The following ADAMTS18 variants were observed in gnomAD, a reference collection of about 807,000 sequenced individuals.
The protein encoded by ADAMTS18 is ADAM metallopeptidase with thrombospondin type 1 motif 18.
In ADAMTS18, 157 loss-of-function variants were observed where a neutral mutation model predicts 165.9. The ratio of observed to expected loss-of-function variants is 0.95; its 90% CI spans 0.83 to 1.08. The LOEUF is 1.08. Ranked by LOEUF, ADAMTS18 falls within the 50% of genes least tolerant of loss-of-function variation. ADAMTS18 has a pLI of 0.00. For synonymous variants in ADAMTS18, 782 were observed against 578.2 expected (o/e 1.35, Z -5.06); for missense variants, 2,040 against 1,534.0 (o/e 1.33, Z -5.51).
intron 3 of ADAMTS18, among the ~76,000 whole-genome samples, chr16:77,430,868 AAAGTG>A (rs1384548925): frequency 3.9e-5 from 6 of 152,222 alleles, no homozygotes; most frequent in Non-Finnish European, 8.8e-5. Context: ...TCCCTTCAGC[AAAGTG>A]AAGGTTGATC....
intron 16 of ADAMTS18, among the ~76,000 whole-genome samples, chr16:77,301,342 T>C (rs2055579098): frequency 6.6e-6 from 1 of 151,958 alleles, no homozygotes; most frequent in African/African-American, 2.4e-5. Flanking sequence ...GGGACTGAGC[T>C]TAAGTAAAGC....
chr16:77,387,125 C>G (rs1022219463), intron 3 of ADAMTS18, among the ~76,000 whole-genome samples: 1 of 152,122 alleles, frequency 6.6e-6, no homozygotes, highest in South Asian at 2.1e-4. Flanking sequence ...GCGGTTAACT[C>G]GCTACATGTA....
At chr16:77,314,695 G>A (rs529336468) in intron 16 of ADAMTS18, among the ~76,000 whole-genome samples, 36 of 125,618 alleles carry the variant, frequency 2.9e-4, no homozygotes, top group South Asian at 7.7e-4. Context: ...TAGATAGTGC[G>A]GGCCTAAGGC....
intron 9 of ADAMTS18, among the ~76,000 whole-genome samples, chr16:77,355,710 T>C (rs1567508216): frequency 1.3e-5 from 2 of 152,306 alleles, no homozygotes; most frequent in South Asian, 2.1e-4. Flanking sequence ...ATAGTATCGC[T>C]GTGAGGATTG....
In ADAMTS18 at chr16:77,300,413, T is replaced by C. The variant is rs2055560801; in HGVS notation, c.2533-9A>G. 6.2e-7 allele frequency: 1 copy of C among 1,613,996 alleles called. No homozygotes were observed. The highest frequency in any genetic ancestry group is 1.3e-5 in the African/African-American group (1 of 75,018). On this transcript the variant is annotated splice_polypyrimidine_tract_variant and intron_variant, in intron 16 of 22. Coordinates refer to ENST00000282849, the MANE Select transcript of ADAMTS18 (RefSeq NM_199355.4). Reference sequence around the variant, plus strand: ...TTGCCTTGCATCAGAATCTGGACAGTGTAAGATAAAAATCAGAGATCAAGA... The same window carrying C: ...TTGCCTTGCATCAGAATCTGGACAGCGTAAGATAAAAATCAGAGATCAAGA...
intron 11 of ADAMTS18, among the ~76,000 whole-genome samples, chr16:77,338,898 G>A (rs1361269778): frequency 2.0e-5 from 3 of 150,036 alleles, no homozygotes; most frequent in African/African-American, 4.9e-5. Flanking sequence ...AGCCTGCAGT[G>A]AGCCAAGATC....
chr16:77,422,882 C>T (rs1469666833), intron 3 of ADAMTS18, among the ~76,000 whole-genome samples: 1 of 152,182 alleles, frequency 6.6e-6, no homozygotes, highest in East Asian at 1.9e-4. Flanking sequence ...GACAGTCACA[C>T]TTACATGGTG....
intron 3 of ADAMTS18, among the ~76,000 whole-genome samples, chr16:77,400,970 A>T (rs2057324055): frequency 6.6e-6 from 1 of 152,054 alleles, no homozygotes; most frequent in East Asian, 1.9e-4. Flanking sequence ...GAAAGAAACC[A>T]AATTGCCAGG....
intron 3 of ADAMTS18, among the ~76,000 whole-genome samples, chr16:77,391,474 A>G (rs1383576519): frequency 1.3e-5 from 2 of 150,236 alleles, no homozygotes; most frequent in Non-Finnish European, 3.0e-5. Context: ...CCTGGGCAAC[A>G]GCGCAAGACT....
chr16:77,313,833 A>T (rs1236848656), intron 16 of ADAMTS18, among the ~76,000 whole-genome samples: 2 of 152,220 alleles, frequency 1.3e-5, no homozygotes, highest in Non-Finnish European at 2.9e-5. Context: ...CCTCAAAAGA[A>T]AAAGAAGTCT....
At chr16:77,421,868 C>G (rs1462298466) in intron 3 of ADAMTS18, among the ~76,000 whole-genome samples, 1 of 152,026 alleles carries the variant, frequency 6.6e-6, no homozygotes, top group Non-Finnish European at 1.5e-5. Flanking sequence ...AAACATTAAT[C>G]AGAAGAAAAT....
chr16:77,384,303 C>T (rs1488181345), intron 3 of ADAMTS18, among the ~76,000 whole-genome samples: 2 of 152,196 alleles, frequency 1.3e-5, no homozygotes, highest in Non-Finnish European at 2.9e-5. Context: ...TTCTGATTTA[C>T]ACAGCCCCCT....
At chr16:77,365,746 G>C (rs2056784156) in intron 4 of ADAMTS18, among the ~76,000 whole-genome samples, 1 of 152,174 alleles carries the variant, frequency 6.6e-6, no homozygotes, top group African/African-American at 2.4e-5. Flanking sequence ...TACAGAAATA[G>C]TTTAGTACTG....
intron 6 of ADAMTS18, 136 bp from the exon 7 acceptor site, chr16:77,362,400 G>A (rs895339555): frequency 1.5e-5 from 14 of 910,954 alleles, no homozygotes; most frequent in Admixed American, 1.1e-4. Flanking sequence ...TAAGGTAGGA[G>A]ACAGGAAAAT....
chr16:77,289,926 G>A (rs1003871882), intron 21 of ADAMTS18, among the ~76,000 whole-genome samples: 2 of 152,128 alleles, frequency 1.3e-5, no homozygotes, highest in African/African-American at 2.4e-5. Flanking sequence ...TGATTTCAGT[G>A]TGCAATTAAA....
rs762008858 is a variant in ADAMTS18 at position 77,356,068 on chromosome 16, C to A, written c.1332G>T (p.Met444Ile). 1 of 1,614,022 alleles carries A rather than the reference C, an allele frequency of 6.2e-7. No homozygotes were observed. The highest frequency in any genetic ancestry group is 8.5e-7 in the Non-Finnish European group (1 of 1,179,946). The change falls in exon 9 of 23, where the codon ATG (methionine) becomes ATT (isoleucine). Residue 444 changes from methionine to isoleucine, a missense_variant. Coordinates refer to ENST00000282849, the MANE Select transcript of ADAMTS18 (RefSeq NM_199355.4). ...IAHESGHNFG[M>I]IHDGEGNPCR... ...AGGGATTCCCTTCTCCATCGTGAAT[C>A]ATACCAAAGCTGAAACAGAATGAAG...
intron 12 of ADAMTS18, among the ~76,000 whole-genome samples, chr16:77,333,987 A>ATATAATATACAGTGCAATATATGCTAT (rs2056235592): frequency 7.0e-6 from 1 of 143,140 alleles, no homozygotes; most frequent in Non-Finnish European, 1.5e-5. Context: ...TATATGCTAT[A>ATATAATATACAGTGCAATATATGCTAT]TATAATATAC....
intron 3 of ADAMTS18, among the ~76,000 whole-genome samples, chr16:77,392,809 G>A (rs16945581): frequency 0.12 from 18,494 of 152,036 alleles, 1,344 homozygotes; most frequent in African/African-American, 0.2. Flanking sequence ...ACATCTTTCT[G>A]ACACTACAGG....
intron 16 of ADAMTS18, among the ~76,000 whole-genome samples, chr16:77,303,719 T>C (rs942606157): frequency 6.6e-6 from 1 of 151,948 alleles, no homozygotes; most frequent in Non-Finnish European, 1.5e-5. Flanking sequence ...AAAAACACAG[T>C]CACAGTTATT....
Sources: gnomAD v4.1 joint callset for allele counts (sites outside exome capture counted in the v4.1 genomes callset) on GRCh38, gnomAD v4.1.1 for gene constraint, MANE v1.5 for transcripts, NCBI Gene and HGNC (gene_info 2026-07-23, HGNC 2026-07-21) for gene names.